Variants in MAGOH observed in about 807,000 individuals in gnomAD.
MAGOH encodes mago homolog, exon junction complex subunit.
MAGOH carries 3 observed loss-of-function variants against 20.9 expected under a neutral mutation model. The ratio of observed to expected loss-of-function variants is 0.14; its 90% CI spans 0.07 to 0.37. The LOEUF (loss-of-function observed/expected upper bound fraction) is 0.37. MAGOH is among the 10% of genes least tolerant of loss of function. The pLI is 1.00. For synonymous variants in MAGOH, 51 were observed against 61.0 expected (o/e 0.84, Z 0.76); for missense variants, 66 against 178.1 (o/e 0.37, Z 3.58).
chr1:53,228,854 A>C lies in MAGOH; in HGVS notation c.341+18T>G. 2 of 1,566,114 alleles carry C rather than the reference A, an allele frequency of 1.3e-6. No homozygotes were observed. Among genetic ancestry groups the C allele is most frequent in the South Asian group, 2.2e-5 (2 of 90,080 alleles). On this transcript the variant is annotated intron_variant, in intron 4 of 4. Coordinates refer to ENST00000371470, the MANE Select transcript of MAGOH (RefSeq NM_002370.4). Reference sequence around the variant, plus strand: ...TCCAAAACAGACACAACTGGATATAAGGATCATGCACACTTACTTGGATTG... The same window carrying C: ...TCCAAAACAGACACAACTGGATATACGGATCATGCACACTTACTTGGATTG...
intron 2 of MAGOH, among the ~76,000 whole-genome samples, chr1:53,235,060 A>C (rs1259033263): frequency 6.6e-6 from 1 of 152,202 alleles, no homozygotes; most frequent in African/African-American, 2.4e-5. Flanking sequence ...GCTTACAATC[A>C]GGGTTAAATA....
At chr1:53,228,805 G>T in intron 4 of MAGOH, 67 bp downstream of exon 4, 3 of 1,197,856 alleles carry the variant, frequency 2.5e-6, no homozygotes, top group South Asian at 1.2e-5. Context: ...GTCCCAATTT[G>T]GTTAAGGTTT....
chr1:53,235,131 T>G (rs112130902), intron 2 of MAGOH, among the ~76,000 whole-genome samples: 144 of 152,342 alleles, frequency 9.5e-4, no homozygotes, highest in African/African-American at 3.2e-3. Flanking sequence ...CCATGCTCCC[T>G]TTCCCACTCA....
chr1:53,228,202 C>G (rs1267490726), intron 4 of MAGOH, among the ~76,000 whole-genome samples: 2 of 152,084 alleles, frequency 1.3e-5, no homozygotes, highest in Admixed American at 1.3e-4. Context: ...GAGGCCGAGG[C>G]AGGCGGATCA....
rs758839173 is a variant in MAGOH, at chr1:53,233,521, A to C, written c.258+21T>G. 3 of 1,564,734 alleles carry C rather than the reference A, an allele frequency of 1.9e-6. No homozygotes were observed. The South Asian group carries it at 3.3e-5, about 17-fold the overall frequency. The stretch of plus-strand genomic sequence containing the variant: ...CTTATTTGTAAGATTTCTGCACTAC[A>C]GGATAATCAATAAAACACACCTGCC... On this transcript the variant is annotated intron_variant, in intron 3 of 4. Transcript: ENST00000371470.
intron 3 of MAGOH, among the ~76,000 whole-genome samples, chr1:53,231,528 T>C (rs1645586178): frequency 6.6e-6 from 1 of 152,230 alleles, no homozygotes. Context: ...ATAAATACAT[T>C]GTCAGCTGTC....
chr1:53,228,339 G>A (rs1645570386), intron 4 of MAGOH, among the ~76,000 whole-genome samples: 2 of 152,146 alleles, frequency 1.3e-5, no homozygotes, highest in Non-Finnish European at 2.9e-5. Flanking sequence ...GGCTGAGGCA[G>A]GAGAATCACT....
intron 4 of MAGOH, among the ~76,000 whole-genome samples, chr1:53,227,421 A>G (rs1231060119): frequency 6.6e-6 from 1 of 152,226 alleles, no homozygotes; most frequent in Non-Finnish European, 1.5e-5. Flanking sequence ...CAAGATAGTA[A>G]TAATGGTTGT....
intron 2 of MAGOH, 152 bp downstream of exon 2, chr1:53,235,425 T>C (rs1189523219): frequency 1.5e-6 from 1 of 658,912 alleles, no homozygotes; most frequent in Non-Finnish European, 2.6e-6. Context: ...AACTAAAAGA[T>C]GATTTGGGAA....
intron 3 of MAGOH, chr1:53,233,287 G>T: frequency 4.9e-5 from 14 of 284,408 alleles, no homozygotes; most frequent in Non-Finnish European, 7.8e-5. Flanking sequence ...TTACCAAAAT[G>T]GTGCTCAGAA....
intron 3 of MAGOH, among the ~76,000 whole-genome samples, chr1:53,230,283 A>C (rs780869096): frequency 5.3e-5 from 8 of 152,224 alleles, no homozygotes; most frequent in Admixed American, 1.3e-4. Context: ...CAGATTTATA[A>C]ATTATTGCCA....
At chr1:53,234,717 AT>A (rs1383564786) in intron 2 of MAGOH, among the ~76,000 whole-genome samples, 3 of 152,162 alleles carry the variant, frequency 2.0e-5, no homozygotes, top group Non-Finnish European at 4.4e-5. Flanking sequence ...AGCAAAATGT[AT>A]TTTAAAAGAT....
Position 53,237,673 on chromosome 1 carries a change from C to CAAAA in MAGOH, c.88+684_88+687dup, listed in dbSNP as rs1231950502. Among the ~76,000 whole-genome samples, 14 of 55,324 alleles carry CAAAA rather than the reference C, an allele frequency of 2.5e-4. 1 individual carries two copies. The East Asian group carries it at 2.7e-3, about 11-fold the overall frequency. 36.3% of individuals were successfully genotyped at this position (55,324 alleles called of 152,430 possible). On this transcript the variant is annotated intron_variant, in intron 1 of 4. Transcript: ENST00000371470. ...TGGGCAAAAAGAGCGAAAGCCGTCTCAAAAAAAAAAAAAAAAAAAAGGCCT... is the reference window on the plus strand; with the variant it reads ...TGGGCAAAAAGAGCGAAAGCCGTCTCAAAAAAAAAAAAAAAAAAAAAAAAGGCCT...
chr1:53,233,489 G>T, intron 3 of MAGOH, 53 bp downstream of exon 3: 11 of 1,240,098 alleles, frequency 8.9e-6, no homozygotes, highest in Non-Finnish European at 1.3e-5. Flanking sequence ...GAGGGAGTGT[G>T]GGGGGTCTTA....
At chr1:53,233,916 C>A (rs1325369577) in intron 2 of MAGOH, 3 of 309,934 alleles carry the variant, frequency 9.7e-6, no homozygotes, top group African/African-American at 2.1e-5. Context: ...TGCCCACATA[C>A]CCAACTCACA....
chr1:53,238,462 C>G lies in MAGOH; in HGVS notation c.-14G>C. 1 of 1,611,420 alleles carries G rather than the reference C, an allele frequency of 6.2e-7. No individual in the cohort carries two copies. The highest frequency in any genetic ancestry group is 1.1e-5 in the South Asian group (1 of 91,038). On this transcript the variant is annotated 5_prime_UTR_variant, in exon 1 of 5. Transcript: ENST00000371470. ...GTCACTCTCCATGGCTCCCAAAAGA[C>G]AACCGAGCCTGAACTTCCAAGAGCA...
At chr1:53,234,349 C>T (rs1045274001) in intron 2 of MAGOH, among the ~76,000 whole-genome samples, 4 of 151,508 alleles carry the variant, frequency 2.6e-5, no homozygotes, top group Admixed American at 1.3e-4. Context: ...AAAGAGACTG[C>T]GACACCCACA....
In MAGOH at chr1:53,233,667, A is replaced by C. The variant is rs1012461700; in HGVS notation, c.148-15T>G. 1 of 1,523,838 alleles carries C rather than the reference A, an allele frequency of 6.6e-7. No individual in the cohort carries two copies. Among genetic ancestry groups the C allele is most frequent in the African/African-American group, 1.4e-5 (1 of 73,210 alleles). 94.4% of individuals were successfully genotyped at this position (1,523,838 alleles called of 1,614,324 possible). ...TGTACATAAGCCTGAACGCAAGTTAAAAAACAAAATGTATGTTGTATCCTT... is the reference window on the plus strand; with the variant it reads ...TGTACATAAGCCTGAACGCAAGTTACAAAACAAAATGTATGTTGTATCCTT... On this transcript the variant is annotated splice_polypyrimidine_tract_variant and intron_variant, in intron 2 of 4. Coordinates refer to ENST00000371470, the MANE Select transcript of MAGOH (RefSeq NM_002370.4).
chr1:53,235,179 C>T (rs1346530534), intron 2 of MAGOH, among the ~76,000 whole-genome samples: 1 of 152,118 alleles, frequency 6.6e-6, no homozygotes, highest in Non-Finnish European at 1.5e-5. Context: ...GTACCATGTA[C>T]ACAGGGAATA....
Sources: allele counts gnomAD v4.1 joint callset (sites outside exome capture counted in the v4.1 genomes callset), GRCh38; gene constraint gnomAD v4.1.1; transcripts MANE v1.5; gene names NCBI Gene and HGNC (gene_info 2026-07-23, HGNC 2026-07-21).